Variants in GADL1 observed in about 807,000 individuals in gnomAD.
GADL1 encodes GAD like acidic amino acid decarboxylase 1.
A neutral mutation model predicts 69.5 loss-of-function variants in GADL1; 71 were observed. The observed-to-expected ratio is 1.02, with a 90% CI of 0.84 to 1.25. The LOEUF (loss-of-function observed/expected upper bound fraction) is 1.25, where lower values mean the gene tolerates loss of function less well. GADL1 is among the 50% of genes most tolerant of loss of function. GADL1 has a pLI of 0.00. For missense variants in GADL1, 737 were observed against 631.8 expected (o/e 1.17, Z -1.79); for synonymous variants, 254 against 214.4 (o/e 1.18, Z -1.62).
chr3:30,764,968 C>T (rs561704341), intron 14 of GADL1, among the ~76,000 whole-genome samples: 116 of 152,256 alleles, frequency 7.6e-4, no homozygotes, highest in African/African-American at 2.7e-3. Context: ...CAGCATAATC[C>T]AAGGACAGAT....
chr3:30,834,554 G>C (rs1391010386), intron 9 of GADL1, among the ~76,000 whole-genome samples: 1 of 152,014 alleles, frequency 6.6e-6, no homozygotes, highest in African/African-American at 2.4e-5. Flanking sequence ...TGTGTGGATG[G>C]AAGAGGTTCA....
chr3:30,838,361 A>G (rs1222530449), intron 9 of GADL1, among the ~76,000 whole-genome samples: 3 of 152,168 alleles, frequency 2.0e-5, no homozygotes, highest in African/African-American at 7.2e-5. Flanking sequence ...ATTTAAGGAA[A>G]TATGTATTTT....
chr3:30,755,236 T>G (rs1339691271), intron 14 of GADL1, among the ~76,000 whole-genome samples: 3 of 152,218 alleles, frequency 2.0e-5, no homozygotes, highest in East Asian at 1.9e-4. Flanking sequence ...AGGAGATAAT[T>G]ACTGACTAAA....
chr3:30,751,590 T>TGGA (rs1003550623), intron 14 of GADL1, among the ~76,000 whole-genome samples: 2 of 151,148 alleles, frequency 1.3e-5, no homozygotes, highest in Admixed American at 1.3e-4. Context: ...AGAACTTGAG[T>TGGA]GGAGGTATCT....
Position 30,834,295 on chromosome 3 carries a change from T to C in GADL1, c.904-14A>G, listed in dbSNP as rs953611723. ...ACCCCAAGAAGCCTGTTGAGATATT[T>C]ACAGTACCAGAACAATGTTATTTCA... On this transcript the variant is annotated splice_polypyrimidine_tract_variant and intron_variant, in intron 9 of 14. Transcript: ENST00000282538. 3.1e-6 allele frequency: 5 copies of C among 1,607,578 alleles called. No homozygotes were observed. Among genetic ancestry groups the C allele is most frequent in the Non-Finnish European group, 4.3e-6 (5 of 1,174,564 alleles).
rs183595373 is a variant in GADL1, at chr3:30,875,317, A to G, written c.38-13552T>C. ...GAAAGGATTCTGAAACCAATTTTGC[A>G]ATCTATCATAGTCCAGTCTCTGATC... On this transcript the variant is annotated intron_variant, in intron 1 of 14. Transcript: ENST00000282538. 4.9e-4 allele frequency among the ~76,000 whole-genome samples: 75 copies of G among 152,032 alleles called. 1 individual carries two copies. Among genetic ancestry groups the G allele is most frequent in the Admixed American group, 8.5e-4 (13 of 15,238 alleles).
At chr3:30,857,246 G>C in intron 2 of GADL1, 105 bp from the exon 3 acceptor site, 1 of 910,686 alleles carries the variant, frequency 1.1e-6, no homozygotes, top group South Asian at 1.7e-5. Context: ...GGCAGCGGGT[G>C]ATTTAAACAT....
At chr3:30,832,300 A>G (rs535266165) in intron 11 of GADL1, among the ~76,000 whole-genome samples, 10 of 151,818 alleles carry the variant, frequency 6.6e-5, no homozygotes, top group South Asian at 6.3e-4. Context: ...GAAAATAGAC[A>G]TGGGTTTTAT....
chr3:30,773,387 TA>T (rs1408248249), intron 14 of GADL1, among the ~76,000 whole-genome samples: 1 of 151,920 alleles, frequency 6.6e-6, no homozygotes, highest in East Asian at 1.9e-4. Flanking sequence ...ATTACTCCAC[TA>T]AGGTATCTTT....
rs1698197326 is a variant in GADL1, at chr3:30,854,475, A to C, written c.428+224T>G. Among the ~76,000 whole-genome samples the C allele has an allele frequency of 6.6e-6, 1 of 152,150 alleles. No homozygotes were observed. ...GCCTAATCAATTTTCTCATCTGTTA[A>C]ATCTCATTAAATGAGATAATAATGA... On this transcript the variant is annotated intron_variant, in intron 4 of 14. Transcript: ENST00000282538.
intron 1 of GADL1, among the ~76,000 whole-genome samples, chr3:30,889,737 G>A (rs1403179045): frequency 6.6e-6 from 1 of 152,152 alleles, no homozygotes; most frequent in Non-Finnish European, 1.5e-5. Context: ...AAAAGAGTTA[G>A]AGGAGGGCAA....
At position 30,726,716 on chromosome 3, in the gene GADL1, T is replaced by G. The variant is rs937853882; in HGVS notation, c.*1526A>C. On this transcript the variant is annotated 3_prime_UTR_variant, in exon 15 of 15. Transcript: ENST00000282538. ...CTAATGCTTTAACACTCTTCAATCA[T>G]TCACCTTTTAATGCAGACCTTTAAT... 1 of 152,194 alleles carries G rather than the reference T, an allele frequency of 6.6e-6. No individual in the cohort carries two copies. The highest frequency in any genetic ancestry group is 2.4e-5 in the African/African-American group (1 of 41,448). 9.4% of individuals were successfully genotyped at this position (152,194 alleles called of 1,614,324 possible). A position where few individuals can be genotyped will look rare whatever the true frequency, so the allele number is the denominator to read the frequency against.
At chr3:30,755,550 G>A (rs1360073359) in intron 14 of GADL1, among the ~76,000 whole-genome samples, 3 of 151,984 alleles carry the variant, frequency 2.0e-5, no homozygotes, top group Non-Finnish European at 4.4e-5. Flanking sequence ...TATCTCCTTT[G>A]CAATATGTTA....
At chr3:30,844,665 C>T (rs1043009329) in intron 6 of GADL1, among the ~76,000 whole-genome samples, 199 bp from the exon 7 acceptor site, 6 of 152,134 alleles carry the variant, frequency 3.9e-5, no homozygotes, top group African/African-American at 1.2e-4. Flanking sequence ...CAGGATTGAA[C>T]GTCAAGTATT....
At chr3:30,846,111 G>A (rs1173860995) in intron 6 of GADL1, among the ~76,000 whole-genome samples, 2 of 151,256 alleles carry the variant, frequency 1.3e-5, no homozygotes, top group Non-Finnish European at 2.9e-5. Flanking sequence ...GAAAGCTTCA[G>A]AGAAGGAAGA....
At chr3:30,799,658 T>G (rs560924427) in intron 12 of GADL1, 1 of 152,162 alleles carries the variant, frequency 6.6e-6, no homozygotes, top group East Asian at 1.9e-4. Flanking sequence ...AAAAAATGGG[T>G]TTTTTCTACT....
chr3:30,894,513 TAAG>T, intron 1 of GADL1, 62 bp downstream of exon 1: 1 of 1,351,722 alleles, frequency 7.4e-7, no homozygotes, highest in Non-Finnish European at 1.0e-6. Context: ...AGGTCAAAAA[TAAG>T]GAGATTAAAA....
intron 1 of GADL1, among the ~76,000 whole-genome samples, chr3:30,870,982 A>T (rs1698472435): frequency 6.6e-6 from 1 of 151,478 alleles, no homozygotes; most frequent in Non-Finnish European, 1.5e-5. Context: ...GATGACATAG[A>T]GACAAGATTC....
At chr3:30,851,070 T>C in intron 4 of GADL1, 129 bp from the exon 5 acceptor site, 3 of 573,570 alleles carry the variant, frequency 5.2e-6, no homozygotes, top group Non-Finnish European at 9.3e-6. Flanking sequence ...TGGAAATTTA[T>C]CCATTGAAAA....
Sources: allele counts gnomAD v4.1 joint callset (sites outside exome capture counted in the v4.1 genomes callset), GRCh38; gene constraint gnomAD v4.1.1; transcripts MANE v1.5; gene names NCBI Gene and HGNC (gene_info 2026-07-23, HGNC 2026-07-21).